The following PHTF2 variants were observed in gnomAD, a reference collection of about 807,000 sequenced individuals.
The protein encoded by PHTF2 is protein PHTF2.
A neutral mutation model predicts 101.2 loss-of-function variants in PHTF2; 60 were observed. The observed-to-expected ratio is 0.59, with a 90% CI of 0.48 to 0.73. PHTF2 has a LOEUF of 0.73. PHTF2 is among the 30% of genes least tolerant of loss of function. The pLI, the probability that PHTF2 is intolerant of heterozygous loss-of-function variation, is 0.00. For synonymous variants in PHTF2, 311 were observed against 307.3 expected (o/e 1.01, Z -0.13); for missense variants, 747 against 908.7 (o/e 0.82, Z 2.29).
At chr7:77,902,338 C>A (rs1037733729) in intron 7 of PHTF2, among the ~76,000 whole-genome samples, 1 of 152,136 alleles carries the variant, frequency 6.6e-6, no homozygotes. Flanking sequence ...ATTCTGTATA[C>A]CGTGCACTCT....
intron 9 of PHTF2, among the ~76,000 whole-genome samples, chr7:77,916,252 T>A (rs1238169698): frequency 6.6e-6 from 1 of 152,186 alleles, no homozygotes; most frequent in East Asian, 1.9e-4. Flanking sequence ...TTTAAATAAG[T>A]CTCTCATCCC....
At position 77,889,576 on chromosome 7, in the gene PHTF2, TCTTTTTTTTTTTTTTTC is replaced by T. The variant is rs937907790; in HGVS notation, c.148-4015_148-3999del. On this transcript the variant is annotated intron_variant, in intron 3 of 19. Coordinates refer to ENST00000416283, the Ensembl canonical transcript of PHTF2. ...TAAAATGTTCATTCTGGTAGTATTTTCTTTTTTTTTTTTTTTCCTTTTTTTTTTTTTTTGAGACGGAG... is the reference window on the plus strand; with the variant it reads ...TAAAATGTTCATTCTGGTAGTATTTTCTTTTTTTTTTTTTTTGAGACGGAG... 9.3e-5 allele frequency among the ~76,000 whole-genome samples: 14 copies of T among 149,796 alleles called. No individual in the cohort carries two copies. In the East Asian group the frequency reaches 1.7e-3, roughly 19 times the overall value.
chr7:77,815,436 A>C (rs182722136), intron 1 of PHTF2, among the ~76,000 whole-genome samples: 6 of 152,350 alleles, frequency 3.9e-5, no homozygotes, highest in Non-Finnish European at 8.8e-5. Flanking sequence ...TACTGAAGCT[A>C]TAACTATTTG....
chr7:77,926,281 C>T (rs944470469), intron 11 of PHTF2, among the ~76,000 whole-genome samples: 1 of 152,066 alleles, frequency 6.6e-6, no homozygotes, highest in Non-Finnish European at 1.5e-5. Context: ...TGTTCTGTGC[C>T]TTGCTAATGA....
chr7:77,803,085 A>G (rs1208068400), intron 1 of PHTF2, among the ~76,000 whole-genome samples: 3 of 152,224 alleles, frequency 2.0e-5, no homozygotes, highest in African/African-American at 7.2e-5. Flanking sequence ...GATGAGAACA[A>G]CTGATTGCTT....
At chr7:77,814,731 C>T (rs1296126234) in intron 1 of PHTF2, among the ~76,000 whole-genome samples, 1 of 151,826 alleles carries the variant, frequency 6.6e-6, no homozygotes, top group African/African-American at 2.4e-5. Flanking sequence ...AGAATGGTCT[C>T]AATCTCCTGA....
exon 12 of PHTF2, chr7:77,929,279 G>C: frequency 1.2e-6 from 2 of 1,612,032 alleles, no homozygotes; most frequent in Non-Finnish European, 1.7e-6. Context: ...AAAATCATCA[G>C]ATTAATCCAT....
intron 13 of PHTF2, among the ~76,000 whole-genome samples, chr7:77,938,527 G>T (rs937656317): frequency 6.6e-6 from 1 of 151,820 alleles, no homozygotes; most frequent in Non-Finnish European, 1.5e-5. Flanking sequence ...TCAGGAGATC[G>T]AGACCATCCT....
intron 5 of PHTF2, 90 bp downstream of exon 4, chr7:77,894,083 A>G (rs1800681788): frequency 1.0e-6 from 1 of 973,854 alleles, no homozygotes; most frequent in Admixed American, 1.7e-5. Context: ...CTACTAACAG[A>G]TTGACTTGGA....
chr7:77,806,418 G>A (rs939925256), intron 1 of PHTF2, among the ~76,000 whole-genome samples: 2 of 152,070 alleles, frequency 1.3e-5, no homozygotes, highest in Non-Finnish European at 2.9e-5. Flanking sequence ...TTGTGAAATG[G>A]ACCTCTTTAA....
At chr7:77,856,313 A>G (rs996594015) in intron 3 of PHTF2, among the ~76,000 whole-genome samples, 3 of 152,238 alleles carry the variant, frequency 2.0e-5, no homozygotes, top group African/African-American at 7.2e-5. Context: ...TGTGGATTCA[A>G]GCAACTGTGA....
intron 12 of PHTF2, among the ~76,000 whole-genome samples, chr7:77,936,081 G>A (rs1159086226): frequency 2.0e-5 from 3 of 152,060 alleles, no homozygotes; most frequent in Non-Finnish European, 4.4e-5. Context: ...GAAAGTTAAA[G>A]TATATTAAAA....
At chr7:77,840,992 T>A (rs567285123) in intron 2 of PHTF2, among the ~76,000 whole-genome samples, 2 of 151,968 alleles carry the variant, frequency 1.3e-5, no homozygotes, top group South Asian at 4.1e-4. Flanking sequence ...TTTTAAAACA[T>A]TTTTATACCT....
intron 1 of PHTF2, among the ~76,000 whole-genome samples, chr7:77,811,328 A>C (rs1193426151): frequency 6.6e-6 from 1 of 152,232 alleles, no homozygotes; most frequent in African/African-American, 2.4e-5. Context: ...TAATTTAGTT[A>C]AGGAGGTATC....
Position 77,910,450 on chromosome 7 carries a change from A to T in PHTF2, c.776+41A>T, listed in dbSNP as rs772419456. The T allele has an allele frequency of 9.7e-6, 14 of 1,438,898 alleles. No individual in the cohort carries two copies. The South Asian group carries it at 1.4e-4, about 14-fold the overall frequency. The allele number at this position is 1,438,898 out of a possible 1,614,324, so 89.1% of individuals were successfully genotyped here. On this transcript the variant is annotated intron_variant, in intron 9 of 19. Transcript: ENST00000416283. ...AGGTTTTATATGGCATAGAGATGGC[A>T]CTATCCTTTTTCTGGCACTTCAGTC...
chr7:77,928,961 T>C (rs1402524980), intron 11 of PHTF2, 148 bp from the exon 11 acceptor site: 1 of 590,516 alleles, frequency 1.7e-6, no homozygotes, highest in Non-Finnish European at 3.0e-6. Context: ...AAAGCTAATA[T>C]ATTTTGTAAT....
chr7:77,938,650 G>T (rs966677538), intron 13 of PHTF2, among the ~76,000 whole-genome samples: 1 of 152,090 alleles, frequency 6.6e-6, no homozygotes, highest in African/African-American at 2.4e-5. Context: ...GGTGGCGGGC[G>T]CCTGTAGTCC....
chr7:77,886,935 G>A (rs182397071), intron 3 of PHTF2, among the ~76,000 whole-genome samples: 2 of 151,824 alleles, frequency 1.3e-5, no homozygotes, highest in Admixed American at 1.3e-4. Context: ...GGTCCCAGGT[G>A]CTCAGGAGGC....
At chr7:77,902,479 A>G (rs1313204446) in intron 7 of PHTF2, among the ~76,000 whole-genome samples, 1 of 152,206 alleles carries the variant, frequency 6.6e-6, no homozygotes, top group Non-Finnish European at 1.5e-5. Flanking sequence ...GTCATCAAGT[A>G]TGGTAGAGCC....
Sources: gnomAD v4.1 joint callset for allele counts (sites outside exome capture counted in the v4.1 genomes callset) on GRCh38, gnomAD v4.1.1 for gene constraint, MANE v1.5 for transcripts, NCBI Gene and HGNC (gene_info 2026-07-23, HGNC 2026-07-21) for gene names.